The following ATAD2B variants were observed in gnomAD, a reference collection of about 807,000 sequenced individuals.
ATAD2B encodes the protein ATPase family AAA domain-containing protein 2B.
ATAD2B carries 40 observed loss-of-function variants against 167.6 expected under a neutral mutation model. The observed-to-expected ratio is 0.24, with a 90% CI of 0.19 to 0.31. The LOEUF is 0.31. ATAD2B is among the 10% of genes least tolerant of loss of function. The pLI, the probability that ATAD2B is intolerant of heterozygous loss-of-function variation, is 1.00. For missense variants in ATAD2B, 1,242 were observed against 1,757.2 expected (o/e 0.71, Z 5.24); for synonymous variants, 579 against 596.5 (o/e 0.97, Z 0.43).
intron 25 of ATAD2B, 101 bp from the exon 26 acceptor site, chr2:23,754,875 G>A (rs973808074): frequency 8.2e-7 from 1 of 1,217,670 alleles, no homozygotes; most frequent in Non-Finnish European, 1.1e-6. Flanking sequence ...AATCCCTTTT[G>A]GAATGAGGAA....
intron 6 of ATAD2B, among the ~76,000 whole-genome samples, chr2:23,882,320 C>T (rs1240991239): frequency 3.3e-5 from 5 of 151,736 alleles, no homozygotes; most frequent in African/African-American, 4.8e-5. Flanking sequence ...CTCAGCCTCC[C>T]GAGTAGCTGC....
At chr2:23,761,003 A>C (rs2058104315) in intron 24 of ATAD2B, among the ~76,000 whole-genome samples, 1 of 152,204 alleles carries the variant, frequency 6.6e-6, no homozygotes, top group African/African-American at 2.4e-5. Flanking sequence ...TAGATTCAAA[A>C]AGTTTTTAAA....
chr2:23,739,671 G>C, the ATAD2B span, among the ~76,000 whole-genome samples: 1 of 152,174 alleles, frequency 6.6e-6, no homozygotes, highest in Non-Finnish European at 1.5e-5. Context: ...ACATTCAAAA[G>C]CTAGCAGAAG....
At chr2:23,915,586 C>CTTTTTTTT (rs869032768) in intron 1 of ATAD2B, among the ~76,000 whole-genome samples, 11 of 65,248 alleles carry the variant, frequency 1.7e-4, no homozygotes, top group Non-Finnish European at 1.9e-4. Flanking sequence ...ACTACCGATT[C>CTTTTTTTT]TTTTTTTTTT....
intron 17 of ATAD2B, among the ~76,000 whole-genome samples, chr2:23,814,653 C>G (rs1686149134): frequency 6.6e-6 from 1 of 151,976 alleles, no homozygotes; most frequent in African/African-American, 2.4e-5. Context: ...TTTTGAAGTA[C>G]TGGGGACAAG....
At position 23,788,612 on chromosome 2, in the gene ATAD2B, G is replaced by C; in HGVS notation, c.2676C>G (p.Val892=). ...CTTCAATAGGCCTTTGAATATACAA[G>C]ACCTCTTCATACTGTATTCTAAAGA... ...KCIFRIQYEE[V]LYIQRPIEED... is the part of the protein sequence containing the mutation. The change falls in exon 20 of 28, where the codon GTC becomes GTG. Residue 892 remains valine, a synonymous_variant. Transcript: ENST00000238789. 3 of 1,601,060 alleles carry C rather than the reference G, an allele frequency of 1.9e-6. No homozygotes were observed. The highest frequency in any genetic ancestry group is 2.2e-5 in the South Asian group (2 of 90,722).
At chr2:23,696,303 C>T in the ATAD2B span, 10 of 1,548,962 alleles carry the variant, frequency 6.5e-6, no homozygotes, top group East Asian at 2.4e-5. The surrounding 1 kb of genome is among the most constrained non-coding windows in gnomAD (Gnocchi z 5.5). Context: ...TCACCCCGCC[C>T]GCTCTCTCTG....
intron 24 of ATAD2B, among the ~76,000 whole-genome samples, chr2:23,759,541 G>C (rs1268731598): frequency 6.6e-6 from 1 of 152,018 alleles, no homozygotes; most frequent in Non-Finnish European, 1.5e-5. Flanking sequence ...ACAAGAAATA[G>C]ATAAATTTAG....
intron 15 of ATAD2B, among the ~76,000 whole-genome samples, chr2:23,826,755 G>T (rs747051309): frequency 4.1e-4 from 63 of 152,254 alleles, no homozygotes; most frequent in Admixed American, 7.8e-4. Context: ...TATGATTAGA[G>T]TTGAGTGTTT....
chr2:23,910,514 T>C (rs1162421919), intron 1 of ATAD2B, among the ~76,000 whole-genome samples: 7 of 151,770 alleles, frequency 4.6e-5, no homozygotes, highest in East Asian at 2.0e-4. Flanking sequence ...GGTCACTCAA[T>C]TGCAGCAATT....
At chr2:23,874,490 C>A (rs551615873) in intron 8 of ATAD2B, among the ~76,000 whole-genome samples, 3 of 151,928 alleles carry the variant, frequency 2.0e-5, no homozygotes, top group East Asian at 3.9e-4. Context: ...ATCACTTGAG[C>A]CCAGGAGTTC....
chr2:23,875,695 TC>T, intron 8 of ATAD2B, 133 bp downstream of exon 8: 1 of 684,120 alleles, frequency 1.5e-6, no homozygotes. Context: ...CAACAAATAT[TC>T]CAGGCAAACT....
intron 1 of ATAD2B, among the ~76,000 whole-genome samples, chr2:23,920,626 C>T (rs1466801193): frequency 6.6e-6 from 1 of 152,058 alleles, no homozygotes; most frequent in African/African-American, 2.4e-5. Flanking sequence ...GCACTTACGG[C>T]CTACTCTAAT....
At position 23,895,957 on chromosome 2, in the gene ATAD2B, T is replaced by C; in HGVS notation, c.230A>G (p.Asp77Gly). Residue 77 changes from aspartate (D) to glycine (G), a missense_variant, in exon 2 of 28, where the codon GAT becomes GGT. This residue lies in a region of ATAD2B where 199 missense variants were observed against 194.9 expected (regional missense o/e 1.02). Transcript: ENST00000238789. Reference sequence around the variant, plus strand: ...TACGTGGCTATCACTTAAACTACCATCAACTTCAACTTTCTGAAAGACAAT... The same window carrying C: ...TACGTGGCTATCACTTAAACTACCACCAACTTCAACTTTCTGAAAGACAAT... Reference protein sequence around the residue: ...TLDEARKVEVDGSLSDSHVSP... With the variant: ...TLDEARKVEVGGSLSDSHVSP... 3 of 1,611,736 alleles carry C rather than the reference T, an allele frequency of 1.9e-6. No homozygotes were observed. Among genetic ancestry groups the C allele is most frequent in the Non-Finnish European group, 2.5e-6 (3 of 1,178,526 alleles).
In ATAD2B at chr2:23,865,003, T is replaced by A. The variant is rs1321568915; in HGVS notation, c.1189-79A>T. Reference sequence around the variant, plus strand: ...ATTTTTAAAATTTATAAAAGAGTCTTACGATTCAGAAATACATGCCTTTAG... The same window carrying A: ...ATTTTTAAAATTTATAAAAGAGTCTAACGATTCAGAAATACATGCCTTTAG... On this transcript the variant is annotated intron_variant, in intron 10 of 27. Coordinates refer to ENST00000238789, the MANE Select transcript of ATAD2B (RefSeq NM_017552.4). 4.9e-6 allele frequency: 4 copies of A among 818,720 alleles called. No homozygotes were observed. In the South Asian group the frequency reaches 8.6e-5, roughly 18 times the overall value. 50.7% of individuals were successfully genotyped at this position (818,720 alleles called of 1,614,324 possible).
chr2:23,856,424 T>G, intron 13 of ATAD2B: 1 of 399,832 alleles, frequency 2.5e-6, no homozygotes, highest in South Asian at 1.9e-5. Flanking sequence ...CTGTAGCAGG[T>G]TGAGCATTAT....
chr2:23,843,769 T>C (rs1691308763), intron 13 of ATAD2B, among the ~76,000 whole-genome samples: 1 of 152,118 alleles, frequency 6.6e-6, no homozygotes, highest in African/African-American at 2.4e-5. Context: ...ATAAGAGTAC[T>C]CTACACTCAC....
chr2:23,771,036 G>C (rs2149347197), intron 22 of ATAD2B, among the ~76,000 whole-genome samples: 1 of 152,146 alleles, frequency 6.6e-6, no homozygotes, highest in Admixed American at 6.5e-5. Context: ...CAATGTATAA[G>C]TCTTACATGC....
intron 13 of ATAD2B, among the ~76,000 whole-genome samples, chr2:23,844,051 G>C (rs1243510464): frequency 6.6e-6 from 1 of 152,228 alleles, no homozygotes; most frequent in East Asian, 1.9e-4. Context: ...TGATTCTCTT[G>C]CTTCAGCCTC....
Sources: allele counts gnomAD v4.1 joint callset (sites outside exome capture counted in the v4.1 genomes callset), GRCh38; gene constraint gnomAD v4.1.1; regional missense constraint gnomAD v4.1.1; non-coding constraint Gnocchi (gnomAD v3.1); transcripts MANE v1.5; gene names NCBI Gene and HGNC (gene_info 2026-07-23, HGNC 2026-07-21).